Variants in ZFAT observed in about 807,000 individuals in gnomAD.
The protein encoded by ZFAT is zinc finger and AT-hook domain containing.
In ZFAT, 64 loss-of-function variants were observed where a neutral mutation model predicts 117.7. The ratio of observed to expected loss-of-function variants is 0.54; its 90% CI spans 0.44 to 0.67. ZFAT has a LOEUF of 0.67. Ranked by LOEUF, ZFAT falls within the 30% of genes least tolerant of loss-of-function variation. ZFAT has a pLI of 0.00. For missense variants in ZFAT, 1,433 were observed against 1,584.5 expected, an observed-to-expected ratio of 0.90 and a Z score of 1.62; for synonymous variants, 679 against 615.0, an observed-to-expected ratio of 1.10 and a Z score of -1.54.
chr8:134,484,279 G>A (rs1289480227), intron 15 of ZFAT, among the ~76,000 whole-genome samples: 1 of 152,204 alleles, frequency 6.6e-6, no homozygotes, highest in African/African-American at 2.4e-5. Flanking sequence ...GCACATAGTA[G>A]GTGATGGTGA....
At chr8:134,746,944 GATAA>G in the ZFAT span, among the ~76,000 whole-genome samples, 1 of 152,158 alleles carries the variant, frequency 6.6e-6, no homozygotes, top group Non-Finnish European at 1.5e-5. Context: ...TGAGATTAAT[GATAA>G]ATAATTTTCC....
intron 10 of ZFAT, among the ~76,000 whole-genome samples, chr8:134,576,755 A>C (rs1229361715): frequency 6.6e-6 from 1 of 152,186 alleles, no homozygotes; most frequent in Non-Finnish European, 1.5e-5. Flanking sequence ...TAAATTGAAG[A>C]AGGGACAGAA....
At position 134,534,034 on chromosome 8, in the gene ZFAT, T is replaced by C. The variant is rs986318100; in HGVS notation, c.2977-1062A>G. Among the ~76,000 whole-genome samples the C allele has an allele frequency of 2.6e-5, 4 of 152,166 alleles. No homozygotes were observed. The South Asian group carries it at 6.2e-4, about 24-fold the overall frequency. The stretch of plus-strand genomic sequence containing the variant: ...GCAGAAGAGCATGGAGCAGCCACAA[T>C]GGAAGCAGCACTCTGCCTGGTGCAG... On this transcript the variant is annotated intron_variant, in intron 11 of 15. Transcript: ENST00000377838.
chr8:134,728,633 C>A, the ZFAT span, among the ~76,000 whole-genome samples: 3 of 152,172 alleles, frequency 2.0e-5, no homozygotes, highest in African/African-American at 4.8e-5. Flanking sequence ...GCACATCCAA[C>A]CCCAGATCCT....
intron 11 of ZFAT, among the ~76,000 whole-genome samples, chr8:134,559,267 T>C (rs1823883226): frequency 6.6e-6 from 1 of 152,252 alleles, no homozygotes; most frequent in South Asian, 2.1e-4. Context: ...TTTGCATGTA[T>C]TCTTGCAGAG....
chr8:134,617,183 C>T (rs1393658683), intron 3 of ZFAT, among the ~76,000 whole-genome samples: 3 of 152,194 alleles, frequency 2.0e-5, no homozygotes, highest in African/African-American at 4.8e-5. Context: ...CCCACCTCTG[C>T]TCTCAGCATC....
chr8:134,774,346 T>C, the ZFAT span, among the ~76,000 whole-genome samples: 10 of 152,138 alleles, frequency 6.6e-5, no homozygotes, highest in Non-Finnish European at 1.0e-4. Context: ...TGGTATCGAG[T>C]GGCATCCTAA....
intron 3 of ZFAT, among the ~76,000 whole-genome samples, chr8:134,624,233 G>A (rs915232237): frequency 2.0e-5 from 3 of 151,084 alleles, no homozygotes; most frequent in African/African-American, 7.4e-5. Context: ...TAACTCTGAT[G>A]AGCTTCCCAC....
At position 134,532,942 on chromosome 8, in the gene ZFAT, AG is replaced by A; in HGVS notation, c.3006del (p.Cys1003AlafsTer7). 6.2e-7 allele frequency: 1 copy of A among 1,608,066 alleles called. No individual in the cohort carries two copies. The highest frequency in any genetic ancestry group is 8.5e-7 in the Non-Finnish European group (1 of 1,177,250). On this transcript the variant is annotated frameshift_variant, in exon 12 of 16. Coordinates refer to ENST00000377838, the MANE Select transcript of ZFAT (RefSeq NM_020863.4). LOFTEE classifies it high-confidence loss of function. ...KPFRCAHCHYSCNISGSLKRH... is the reference protein window; with the variant it reads ...KPFRCAHCHYXCNISGSLKRH... ...CGCTTCAGAGAGCCAGATATGTTGC[AG>A]GAGTAATGGCAATGGGCACAGCGGA... is the stretch of plus-strand genomic sequence containing the variant.
chr8:134,623,045 T>C (rs568866403), intron 3 of ZFAT, among the ~76,000 whole-genome samples: 3 of 152,296 alleles, frequency 2.0e-5, no homozygotes, highest in South Asian at 4.1e-4. Flanking sequence ...GTTGGTACCC[T>C]GATGGCTCCC....
chr8:134,673,254 G>T (rs1370075040), intron 1 of ZFAT: 1 of 152,282 alleles, frequency 6.6e-6, no homozygotes, highest in East Asian at 1.9e-4. Context: ...AAGTAAATCA[G>T]AGATGACTTG....
intron 1 of ZFAT, among the ~76,000 whole-genome samples, chr8:134,661,841 CA>C (rs2131221950): frequency 6.6e-6 from 1 of 152,274 alleles, no homozygotes; most frequent in South Asian, 2.1e-4. Context: ...CATCAGGATG[CA>C]GATGCCTACT....
chr8:134,717,014 C>T (rs1185459661), upstream of ZFAT, among the ~76,000 whole-genome samples: 1 of 152,066 alleles, frequency 6.6e-6, no homozygotes, highest in Non-Finnish European at 1.5e-5. Flanking sequence ...CAGGTCAGGA[C>T]CAGTGGTCTC....
At chr8:134,810,140 T>C in the ZFAT span, among the ~76,000 whole-genome samples, 2 of 152,186 alleles carry the variant, frequency 1.3e-5, no homozygotes, top group Non-Finnish European at 2.9e-5. Flanking sequence ...CCATGATTCA[T>C]ACATACAATA....
chr8:134,562,812 T>C (rs570826875), intron 11 of ZFAT, among the ~76,000 whole-genome samples: 1 of 152,132 alleles, frequency 6.6e-6, no homozygotes, highest in African/African-American at 2.4e-5. Context: ...CTTCTGCACA[T>C]AAACCAGATA....
chr8:134,735,866 A>G, the ZFAT span, among the ~76,000 whole-genome samples: 1 of 152,204 alleles, frequency 6.6e-6, no homozygotes, highest in Non-Finnish European at 1.5e-5. Flanking sequence ...GTTACGCAAA[A>G]TAAAGCACAA....
intron 11 of ZFAT, among the ~76,000 whole-genome samples, chr8:134,548,631 G>A (rs563266434): frequency 2.0e-5 from 3 of 152,304 alleles, no homozygotes; most frequent in South Asian, 2.1e-4. Context: ...TTCACAAAAT[G>A]TAAGTGCTGG....
the ZFAT span, among the ~76,000 whole-genome samples, chr8:134,821,666 T>C: frequency 6.6e-6 from 1 of 152,122 alleles, no homozygotes; most frequent in Non-Finnish European, 1.5e-5. Flanking sequence ...TTCACATACA[T>C]AGTCCTAGAT....
chr8:134,608,779 C>G lies in ZFAT; in HGVS notation c.735G>C (p.Gln245His). The change falls in exon 5 of 16, where the codon CAG becomes CAC. Residue 245 changes from glutamine (Q) to histidine (H), a missense_variant. By Grantham distance (24) the Gln-to-His change is conservative. Coordinates refer to ENST00000377838, the MANE Select transcript of ZFAT (RefSeq NM_020863.4). ...SADLVPRRGY[Q>H]EYAIQQTPYE... ...AAGGTGTCTGCTGAATGGCGTATTC[C>G]TGGTAGCCTCTCCGAGGCACCAGGT... The G allele has an allele frequency of 6.2e-7, 1 of 1,610,468 alleles. No individual in the cohort carries two copies. The highest frequency in any genetic ancestry group is 8.5e-7 in the Non-Finnish European group (1 of 1,178,724).
Sources: gnomAD v4.1 joint callset for allele counts (sites outside exome capture counted in the v4.1 genomes callset) on GRCh38, gnomAD v4.1.1 for gene constraint, MANE v1.5 for transcripts, NCBI Gene and HGNC (gene_info 2026-07-23, HGNC 2026-07-21) for gene names.